Variants in LIN52 observed in about 807,000 individuals in gnomAD.
LIN52 encodes protein lin-52 homolog.
In LIN52, 4 loss-of-function variants were observed where a neutral mutation model predicts 18.5. The ratio of observed to expected loss-of-function variants is 0.22; its 90% confidence interval spans 0.11 to 0.49. LIN52 has a LOEUF of 0.49. Among genes scored for constraint, LIN52 ranks in the 20% least tolerant of loss-of-function variants. LIN52 has a pLI of 0.97. For synonymous variants in LIN52, 34 were observed against 45.5 expected (o/e 0.75, Z 1.02); for missense variants, 102 against 139.5 (o/e 0.73, Z 1.35).
Position 74,101,173 on chromosome 14 carries a change from C to T in LIN52, c.218C>T (p.Thr73Met), listed in dbSNP as rs201061535. Reference sequence around the variant, plus strand: ...GTTTCAGAACTGGGGAGTCTCACCACGGCTAATTTGATGGAGAAGGTTCGA... The same window carrying T: ...GTTTCAGAACTGGGGAGTCTCACCATGGCTAATTTGATGGAGAAGGTTCGA... ...DMLKELGSLT[T>M]ANLMEKVRGL... Residue 73 changes from threonine to methionine, a missense_variant, in exon 5 of 6, where the codon ACG (threonine) becomes ATG (methionine). By Grantham distance (81) the Thr-to-Met change is moderately conservative (BLOSUM62 -1). Coordinates refer to ENST00000555028, the MANE Select transcript of LIN52 (RefSeq NM_001024674.3). 15 of 1,611,272 alleles carry T rather than the reference C, an allele frequency of 9.3e-6. No homozygotes were observed. Among genetic ancestry groups the T allele is most frequent in the African/African-American group, 5.3e-5 (4 of 74,876 alleles).
rs148103405 is a variant in LIN52 at position 74,094,790 on chromosome 14, T to G, written c.95-1158T>G. 2.2e-3 allele frequency among the ~76,000 whole-genome samples: 338 copies of G among 151,882 alleles called. 1 individual carries two copies. The highest frequency in any genetic ancestry group is 4.1e-3 in the Non-Finnish European group (277 of 67,944). On this transcript the variant is annotated intron_variant, in intron 2 of 5. Coordinates refer to ENST00000555028, the MANE Select transcript of LIN52 (RefSeq NM_001024674.3). The stretch of plus-strand genomic sequence containing the variant: ...TTGCCCAGGTTGGAGTGCAATGGCG[T>G]GATCTCAGCTCACTGCAACCTCCAC...
At chr14:74,109,446 A>G (rs897631643) in intron 5 of LIN52, among the ~76,000 whole-genome samples, 1 of 152,236 alleles carries the variant, frequency 6.6e-6, no homozygotes, top group Non-Finnish European at 1.5e-5. Context: ...AGCCTGGGCT[A>G]TAGAGAGAGA....
At chr14:74,094,407 G>C (rs2060794057) in intron 2 of LIN52, among the ~76,000 whole-genome samples, 1 of 151,706 alleles carries the variant, frequency 6.6e-6, no homozygotes, top group Non-Finnish European at 1.5e-5. Flanking sequence ...CCACAGGCAT[G>C]TACCACCACA....
chr14:74,183,896 A>G (rs1350363007), intron 5 of LIN52, among the ~76,000 whole-genome samples: 2 of 152,214 alleles, frequency 1.3e-5, no homozygotes, highest in South Asian at 2.1e-4. Flanking sequence ...ATAACATCTA[A>G]TAGTCCATGT....
chr14:74,135,425 G>A (rs2061091965), intron 5 of LIN52, among the ~76,000 whole-genome samples: 1 of 152,182 alleles, frequency 6.6e-6, no homozygotes, highest in South Asian at 2.1e-4. Context: ...GGGATAAGAT[G>A]CATGATAAGC....
intron 5 of LIN52, among the ~76,000 whole-genome samples, chr14:74,180,271 T>G (rs113395748): frequency 0.11 from 16,407 of 146,052 alleles, 1,199 homozygotes; most frequent in Admixed American, 0.19. Context: ...AATTTTTTTT[T>G]TTTTTTTTTT....
chr14:74,130,308 G>A (rs1440306159), intron 5 of LIN52, among the ~76,000 whole-genome samples: 3 of 25,756 alleles, frequency 1.2e-4, no homozygotes, highest in East Asian at 2.0e-3. Context: ...AGACAGTCTC[G>A]CTCTTTTGCC....
chr14:74,129,239 CAG>C (rs2061046853), intron 5 of LIN52, among the ~76,000 whole-genome samples: 1 of 152,084 alleles, frequency 6.6e-6, no homozygotes, highest in African/African-American at 2.4e-5. Context: ...GAAGTGGAGT[CAG>C]AGTTTAGTTG....
chr14:74,175,008 T>C (rs1448627010), intron 5 of LIN52, among the ~76,000 whole-genome samples: 1 of 142,240 alleles, frequency 7.0e-6, no homozygotes, highest in Non-Finnish European at 1.5e-5. Context: ...GAGTGAAACC[T>C]TGACTCAAAG....
intron 2 of LIN52, among the ~76,000 whole-genome samples, chr14:74,094,347 C>A (rs1434747879): frequency 6.6e-6 from 1 of 151,824 alleles, no homozygotes; most frequent in East Asian, 1.9e-4. Context: ...GCAGCCTCAA[C>A]CTCCTGGGCT....
chr14:74,185,348 T>C (rs532418756), intron 5 of LIN52, among the ~76,000 whole-genome samples: 1 of 136,058 alleles, frequency 7.3e-6, no homozygotes. Context: ...GGAGTCTTGC[T>C]CTGTCACCCA....
chr14:74,169,155 C>A (rs1026883633), intron 5 of LIN52, among the ~76,000 whole-genome samples: 1 of 152,218 alleles, frequency 6.6e-6, no homozygotes, highest in African/African-American at 2.4e-5. Context: ...GGCTGTCTCA[C>A]TGACTTGAGC....
At chr14:74,126,373 C>T (rs2061030153) in intron 5 of LIN52, among the ~76,000 whole-genome samples, 2 of 152,160 alleles carry the variant, frequency 1.3e-5, no homozygotes, top group African/African-American at 4.8e-5. Flanking sequence ...CCAGCAATTC[C>T]ATTGCTAGGT....
At chr14:74,169,258 C>T (rs2061261563) in intron 5 of LIN52, among the ~76,000 whole-genome samples, 1 of 152,202 alleles carries the variant, frequency 6.6e-6, no homozygotes, top group Non-Finnish European at 1.5e-5. Context: ...TTCCCTTTTA[C>T]CAGTAATATC....
At chr14:74,177,708 A>C (rs1286869908) in intron 5 of LIN52, among the ~76,000 whole-genome samples, 2 of 152,212 alleles carry the variant, frequency 1.3e-5, no homozygotes, top group Non-Finnish European at 2.9e-5. Context: ...TTGGTTGGCT[A>C]TCTTGGGGCA....
intron 5 of LIN52, chr14:74,114,135 A>G (rs1362981997): frequency 1.0e-6 from 1 of 984,818 alleles, no homozygotes; most frequent in Non-Finnish European, 1.2e-6. Context: ...TGTGAGCCAC[A>G]GCGCCCGGCC....
At chr14:74,131,486 C>G (rs2061067090) in intron 5 of LIN52, among the ~76,000 whole-genome samples, 1 of 151,690 alleles carries the variant, frequency 6.6e-6, no homozygotes, top group Admixed American at 6.6e-5. Context: ...GACTGGCTAA[C>G]TTTTTGTATT....
At chr14:74,107,800 T>G (rs2060905932) in intron 5 of LIN52, among the ~76,000 whole-genome samples, 1 of 152,186 alleles carries the variant, frequency 6.6e-6, no homozygotes. Context: ...ATTGTATCAT[T>G]TGAAACTACG....
At chr14:74,194,733 A>G (rs2078899383) in intron 5 of LIN52, among the ~76,000 whole-genome samples, 2 of 152,224 alleles carry the variant, frequency 1.3e-5, no homozygotes, top group African/African-American at 2.4e-5. Context: ...TCTCTCCTGC[A>G]CGGCATACAC....
Sources: gnomAD v4.1 joint callset for allele counts (sites outside exome capture counted in the v4.1 genomes callset) on GRCh38, gnomAD v4.1.1 for gene constraint, MANE v1.5 for transcripts, NCBI Gene and HGNC (gene_info 2026-07-23, HGNC 2026-07-21) for gene names.